Variants in ITSN1 observed in about 807,000 individuals in gnomAD.
The protein encoded by ITSN1 is intersectin 1.
ITSN1 carries 58 observed loss-of-function variants against 239.8 expected under a neutral mutation model. The observed-to-expected ratio is 0.24, with a 90% confidence interval of 0.20 to 0.30. The LOEUF is 0.30. Among genes scored for constraint, ITSN1 ranks in the 10% least tolerant of loss-of-function variants. The pLI is 1.00. For missense variants in ITSN1, 1,558 were observed against 2,103.3 expected, an observed-to-expected ratio of 0.74 and a Z score of 5.07; for synonymous variants, 780 against 770.8, an observed-to-expected ratio of 1.01 and a Z score of -0.20.
At chr21:33,664,952 T>C (rs574483423) in intron 1 of ITSN1, among the ~76,000 whole-genome samples, 1 of 148,956 alleles carries the variant, frequency 6.7e-6, no homozygotes, top group East Asian at 1.9e-4. Flanking sequence ...ATTGCTCTCA[T>C]CTACTTATAA....
At chr21:33,818,829 G>A (rs774937271) in intron 23 of ITSN1, among the ~76,000 whole-genome samples, 1 of 152,194 alleles carries the variant, frequency 6.6e-6, no homozygotes, top group African/African-American at 2.4e-5. Context: ...AAAGGATCTG[G>A]GGAAATGATC....
Position 33,735,140 on chromosome 21 carries a change from A to G in ITSN1, c.282A>G (p.Leu94=). The G allele has an allele frequency of 1.9e-6, 3 of 1,613,926 alleles. No individual in the cohort carries two copies. The highest frequency in any genetic ancestry group is 1.7e-6 in the Non-Finnish European group (2 of 1,179,906). Residue 94 remains leucine (L), a synonymous_variant, in exon 5 of 40, where the codon CTA becomes CTG. Coordinates refer to ENST00000381318, the MANE Select transcript of ITSN1 (RefSeq NM_003024.3). ...LIKLKLQGYQ[L]PSALPPVMKQ... ...AACTGAAGCTACAAGGATATCAGCT[A>G]CCCTCTGCACTTCCCCCTGTCATGA... is the stretch of plus-strand genomic sequence containing the variant.
At chr21:33,666,048 C>T (rs1019572788) in intron 1 of ITSN1, among the ~76,000 whole-genome samples, 2 of 151,978 alleles carry the variant, frequency 1.3e-5, no homozygotes, top group Admixed American at 6.6e-5. Flanking sequence ...CGTGCCTGAG[C>T]CTCCTGAGTA....
At chr21:33,695,863 A>C (rs1442326422) in intron 1 of ITSN1, among the ~76,000 whole-genome samples, 1 of 152,206 alleles carries the variant, frequency 6.6e-6, no homozygotes, top group Non-Finnish European at 1.5e-5. Flanking sequence ...GATTCTTTTC[A>C]GCTTTTCTCC....
chr21:33,760,115 A>G (rs1048977989), intron 8 of ITSN1, among the ~76,000 whole-genome samples: 65 of 151,834 alleles, frequency 4.3e-4, no homozygotes, highest in East Asian at 2.3e-3. Context: ...CTCAAAAAAA[A>G]AAAAGAAAAG....
chr21:33,798,318 T>A (rs778318965), intron 18 of ITSN1, among the ~76,000 whole-genome samples: 6 of 151,862 alleles, frequency 4.0e-5, no homozygotes, highest in Non-Finnish European at 8.8e-5. Flanking sequence ...CAGGTTGGTC[T>A]TGAACTCCTG....
chr21:33,745,003 A>T lies in ITSN1; in HGVS notation c.347-5140A>T, dbSNP rs1487524101. ...ATATCCTCATTAGAAGCACCTCTTT[A>T]TAAAATTATTACAGCTAATAAATGA... On this transcript the variant is annotated intron_variant, in intron 5 of 39. Transcript: ENST00000381318. Among the ~76,000 whole-genome samples the T allele has an allele frequency of 2.0e-5, 3 of 152,222 alleles. No homozygotes were observed. In the East Asian group the frequency reaches 5.8e-4, roughly 29 times the overall value.
intron 1 of ITSN1, among the ~76,000 whole-genome samples, chr21:33,702,341 A>G (rs564311620): frequency 1.5e-4 from 23 of 152,002 alleles, no homozygotes; most frequent in Admixed American, 9.2e-4. Context: ...GGTCTCGAAC[A>G]CCTGACCTCA....
chr21:33,814,102 T>G, intron 22 of ITSN1, 30 bp downstream of exon 22: 1 of 1,608,276 alleles, frequency 6.2e-7, no homozygotes, highest in Admixed American at 1.7e-5. Context: ...GTGTGAAGAC[T>G]TAGCATGCTA....
chr21:33,837,163 A>C, intron 29 of ITSN1: 1 of 1,361,168 alleles, frequency 7.3e-7, no homozygotes, highest in Non-Finnish European at 9.5e-7. Context: ...ACCTCATTTT[A>C]CCTTAGTTGC....
At chr21:33,879,809 A>T (rs529275085) in intron 34 of ITSN1, among the ~76,000 whole-genome samples, 4 of 152,152 alleles carry the variant, frequency 2.6e-5, no homozygotes, top group Admixed American at 1.3e-4. Context: ...CTTCCCGAGT[A>T]GCTGGAACTA....
intron 1 of ITSN1, among the ~76,000 whole-genome samples, chr21:33,674,550 G>A (rs1394495714): frequency 6.6e-6 from 1 of 152,140 alleles, no homozygotes; most frequent in Non-Finnish European, 1.5e-5. Flanking sequence ...ATGGGGCCCA[G>A]TGTGTTTGGG....
intron 1 of ITSN1, among the ~76,000 whole-genome samples, chr21:33,644,358 T>C (rs1284904673): frequency 6.6e-5 from 10 of 152,210 alleles, no homozygotes; most frequent in African/African-American, 2.2e-4. Flanking sequence ...AATTTGATGA[T>C]GGTGTTAAAA....
At chr21:33,645,094 G>A (rs2087814588) in intron 1 of ITSN1, among the ~76,000 whole-genome samples, 1 of 152,158 alleles carries the variant, frequency 6.6e-6, no homozygotes, top group South Asian at 2.1e-4. Context: ...AAAGAGCTAG[G>A]ATTAGAGGAA....
chr21:33,861,991 TAAAA>T (rs776558259), intron 31 of ITSN1, among the ~76,000 whole-genome samples: 14 of 58,168 alleles, frequency 2.4e-4, no homozygotes, highest in African/African-American at 7.8e-4. Flanking sequence ...TCATCTCTAC[TAAAA>T]AAAAAAAAAA....
intron 20 of ITSN1, among the ~76,000 whole-genome samples, chr21:33,809,733 G>A (rs1440534870): frequency 1.3e-5 from 2 of 152,072 alleles, no homozygotes; most frequent in Non-Finnish European, 2.9e-5. Context: ...GCATAGGAAG[G>A]GGTAAAAATA....
At chr21:33,828,658 C>G (rs925077956) in intron 26 of ITSN1, among the ~76,000 whole-genome samples, 5 of 152,020 alleles carry the variant, frequency 3.3e-5, no homozygotes, top group African/African-American at 1.2e-4. Context: ...TTCTTTCCTT[C>G]TTTTCTCCTT....
chr21:33,792,956 C>G lies in ITSN1; in HGVS notation c.1825-1385C>G, dbSNP rs78014651. 9.3e-4 allele frequency among the ~76,000 whole-genome samples: 141 copies of G among 152,058 alleles called. 1 individual carries two copies. The highest frequency in any genetic ancestry group is 1.6e-3 in the Non-Finnish European group (110 of 67,974). On this transcript the variant is annotated intron_variant, in intron 16 of 39. Transcript: ENST00000381318. ...TCCATTTTCCCCTTCCCCTTTTCCT[C>G]CAGTACCTTCCTCTTCCTAAGTACC...
rs1230386352 is a variant in ITSN1 at position 33,882,564 on chromosome 21, G to A, written c.4554+109G>A. On this transcript the variant is annotated intron_variant, in intron 35 of 39. Coordinates refer to ENST00000381318, the MANE Select transcript of ITSN1 (RefSeq NM_003024.3). The surrounding 1 kb of genome is among the most constrained non-coding windows in gnomAD (Gnocchi z 4.5). Reference sequence around the variant, plus strand: ...CAGGGTCAGGGGCTGTGGCATGCAGGAGAAGGCCAGGAGTTGAAATGCGAT... The same window carrying A: ...CAGGGTCAGGGGCTGTGGCATGCAGAAGAAGGCCAGGAGTTGAAATGCGAT... 4.6e-6 allele frequency: 4 copies of A among 877,618 alleles called. No homozygotes were observed. Among genetic ancestry groups the A allele is most frequent in the East Asian group, 2.6e-5 (1 of 37,970 alleles). The allele number at this position is 877,618 out of a possible 1,614,324, so 54.4% of individuals were successfully genotyped here. A position where few individuals can be genotyped will look rare whatever the true frequency, so the allele number is the denominator to read the frequency against.
Sources: allele counts gnomAD v4.1 joint callset (sites outside exome capture counted in the v4.1 genomes callset), GRCh38; gene constraint gnomAD v4.1.1; non-coding constraint Gnocchi (gnomAD v3.1); transcripts MANE v1.5; gene names NCBI Gene and HGNC (gene_info 2026-07-23, HGNC 2026-07-21).